The following SLC38A8 variants were observed in gnomAD, a reference collection of about 807,000 sequenced individuals.
SLC38A8 encodes the protein solute carrier family 38 member 8.
SLC38A8 carries 65 observed loss-of-function variants against 46.0 expected under a neutral mutation model. The ratio of observed to expected loss-of-function variants is 1.41; its 90% CI spans 1.16 to 1.74. SLC38A8 has a LOEUF of 1.74. Among genes scored for constraint, SLC38A8 ranks in the 40% most tolerant of loss-of-function variants. SLC38A8 has a pLI of 0.00. For synonymous variants in SLC38A8, 447 were observed against 243.7 expected, an observed-to-expected ratio of 1.83 and a Z score of -7.77; for missense variants, 998 against 567.9, an observed-to-expected ratio of 1.76 and a Z score of -7.70.
intron 7 of SLC38A8, among the ~76,000 whole-genome samples, chr16:84,019,774 G>A (rs977265204): frequency 6.6e-6 from 1 of 152,240 alleles, no homozygotes; most frequent in Non-Finnish European, 1.5e-5. Context: ...GCAGGCAAAA[G>A]AAACATTCTC....
In SLC38A8 at chr16:84,017,221, T is replaced by A; in HGVS notation, c.872A>T (p.Asn291Ile). The change falls in exon 8 of 11, where the codon AAT (asparagine) becomes ATT (isoleucine). Residue 291 changes from asparagine to isoleucine, a missense_variant. Coordinates refer to ENST00000299709, the MANE Select transcript of SLC38A8 (RefSeq NM_001080442.3). ...CCGGGCCACAATGATGACCATATCA[T>A]TGCCTGGGTAGGACATCAAGACGTC... ...SADVLMSYPG[N>I]DMVIIVARVL... 2.5e-6 allele frequency: 4 copies of A among 1,614,054 alleles called. No individual in the cohort carries two copies. Among genetic ancestry groups the A allele is most frequent in the Non-Finnish European group, 2.5e-6 (3 of 1,180,006 alleles).
intron 7 of SLC38A8, among the ~76,000 whole-genome samples, chr16:84,017,915 A>G (rs1473066388): frequency 6.6e-6 from 1 of 152,264 alleles, no homozygotes; most frequent in East Asian, 1.9e-4. Context: ...GGTGATACTG[A>G]ATCACTGAGT....
At position 84,041,863 on chromosome 16, in the gene SLC38A8, T is replaced by C. The variant is rs994638288; in HGVS notation, c.189+106A>G. ...GATAGAAAATAAAACCCCGAAGCTATAGCTTACAGGACACGCAACTCCGCA... is the reference window on the plus strand; with the variant it reads ...GATAGAAAATAAAACCCCGAAGCTACAGCTTACAGGACACGCAACTCCGCA... On this transcript the variant is annotated intron_variant, in intron 2 of 10. Coordinates refer to ENST00000299709, the MANE Select transcript of SLC38A8 (RefSeq NM_001080442.3). The C allele has an allele frequency of 3.8e-5, 38 of 1,001,640 alleles. No homozygotes were observed. The East Asian group carries it at 5.5e-4, about 14-fold the overall frequency. 62.0% of individuals were successfully genotyped at this position (1,001,640 alleles called of 1,614,324 possible).
At chr16:84,016,060 A>G (rs950514800) in intron 9 of SLC38A8, among the ~76,000 whole-genome samples, 2 of 152,092 alleles carry the variant, frequency 1.3e-5, no homozygotes, top group Admixed American at 1.3e-4. Context: ...AATCATGGCA[A>G]AAGGCAAATA....
intron 10 of SLC38A8, among the ~76,000 whole-genome samples, chr16:84,011,406 C>T (rs2084951487): frequency 6.6e-6 from 1 of 152,160 alleles, no homozygotes; most frequent in Non-Finnish European, 1.5e-5. Context: ...TAGAAACATC[C>T]AGAAACACTG....
chr16:84,010,127 G>C (rs12925324), intron 10 of SLC38A8, among the ~76,000 whole-genome samples: 1 of 139,652 alleles, frequency 7.2e-6, no homozygotes. Flanking sequence ...CTGGAGTGCA[G>C]TGGCACGATC....
intron 2 of SLC38A8, among the ~76,000 whole-genome samples, chr16:84,037,844 T>C: frequency 7.6e-6 from 1 of 130,912 alleles, no homozygotes; most frequent in Non-Finnish European, 1.5e-5. Flanking sequence ...AGTCTAGCTC[T>C]GTCACCCAGG....
intron 9 of SLC38A8, among the ~76,000 whole-genome samples, chr16:84,014,440 C>T (rs557470952): frequency 6.6e-6 from 1 of 152,054 alleles, no homozygotes; most frequent in African/African-American, 2.4e-5. Flanking sequence ...ACACCCCTCA[C>T]CTCTGAAAGC....
At chr16:84,028,730 G>T (rs1183846109) in intron 6 of SLC38A8, among the ~76,000 whole-genome samples, 2 of 119,282 alleles carry the variant, frequency 1.7e-5, no homozygotes, top group Non-Finnish European at 3.3e-5. Flanking sequence ...CTGTGCCACA[G>T]AGCCCTCTGC....
At chr16:84,028,003 ACGCCG>A (rs2085186284) in intron 6 of SLC38A8, among the ~76,000 whole-genome samples, 2 of 152,156 alleles carry the variant, frequency 1.3e-5, no homozygotes, top group Non-Finnish European at 2.9e-5. Flanking sequence ...CTGAAGCAGC[ACGCCG>A]ACTGATTACG....
chr16:84,035,149 C>T (rs1354379140), intron 3 of SLC38A8, among the ~76,000 whole-genome samples: 1 of 152,214 alleles, frequency 6.6e-6, no homozygotes, highest in Non-Finnish European at 1.5e-5. Flanking sequence ...GGGCTCCGCT[C>T]CCAGTGAGGC....
chr16:84,016,674 C>T lies in SLC38A8; in HGVS notation c.1007G>A (p.Ser336Asn). ...RRSCLGGWGPSALADPSGLWV... is the reference protein window; with the variant it reads ...RRSCLGGWGPNALADPSGLWV... ...CAGCCCTGAGGGGTCGGCCAGGGCGCTGGGCCCCCATCCCCCCAAGCAGCT... is the reference window on the plus strand; with the variant it reads ...CAGCCCTGAGGGGTCGGCCAGGGCGTTGGGCCCCCATCCCCCCAAGCAGCT... The change falls in exon 9 of 11, where the codon AGC (serine) becomes AAC (asparagine). Residue 336 changes from serine to asparagine, a missense_variant. Physicochemically the swap from Ser to Asn is conservative, Grantham distance 46. Coordinates refer to ENST00000299709, the MANE Select transcript of SLC38A8 (RefSeq NM_001080442.3). The T allele has an allele frequency of 1.9e-6, 3 of 1,613,574 alleles. No individual in the cohort carries two copies. Among genetic ancestry groups the T allele is most frequent in the Non-Finnish European group, 8.5e-7 (1 of 1,180,016 alleles).
intron 2 of SLC38A8, among the ~76,000 whole-genome samples, chr16:84,037,444 G>A (rs2326162): frequency 0.21 from 31,912 of 152,170 alleles, 3,592 homozygotes; most frequent in South Asian, 0.28. Context: ...TGACATACTC[G>A]GCTCAGCGTG....
At chr16:84,023,465 A>C (rs951529643) in intron 6 of SLC38A8, among the ~76,000 whole-genome samples, 12 of 152,136 alleles carry the variant, frequency 7.9e-5, no homozygotes, top group African/African-American at 2.9e-4. Flanking sequence ...TTCCCAACAG[A>C]ACCCACATGC....
chr16:84,016,759 C>T (rs756445843), intron 8 of SLC38A8, 32 bp from the exon 9 acceptor site: 9 of 1,597,046 alleles, frequency 5.6e-6, no homozygotes, highest in South Asian at 1.1e-5. Flanking sequence ...GACACATGGG[C>T]ATCTCAGGGG....
intron 8 of SLC38A8, 55 bp downstream of exon 8, chr16:84,017,085 C>G: frequency 6.2e-7 from 1 of 1,603,086 alleles, no homozygotes. Flanking sequence ...TGCTCAATCA[C>G]AGCACACATC....
chr16:84,018,509 G>A (rs562631219), intron 7 of SLC38A8, among the ~76,000 whole-genome samples: 88 of 152,148 alleles, frequency 5.8e-4, no homozygotes, highest in East Asian at 2.5e-3. Flanking sequence ...ATGAGCCACC[G>A]TGCCTGGCCT....
chr16:84,015,731 G>A (rs1555552184), intron 9 of SLC38A8, among the ~76,000 whole-genome samples: 1 of 152,154 alleles, frequency 6.6e-6, no homozygotes, highest in Non-Finnish European at 1.5e-5. Context: ...TTGAGATGGA[G>A]TTTCACTCTT....
intron 2 of SLC38A8, chr16:84,041,217 G>A (rs886184386): frequency 6.6e-6 from 1 of 152,352 alleles, no homozygotes; most frequent in African/African-American, 2.4e-5. Context: ...CGGCAGGCAG[G>A]AGAGCGGAAC....
Sources: allele counts gnomAD v4.1 joint callset (sites outside exome capture counted in the v4.1 genomes callset), GRCh38; gene constraint gnomAD v4.1.1; transcripts MANE v1.5; gene names NCBI Gene and HGNC (gene_info 2026-07-23, HGNC 2026-07-21).